Variants in PTPRD observed in about 807,000 individuals in gnomAD.
PTPRD encodes protein tyrosine phosphatase receptor type D, also known as receptor-type tyrosine-protein phosphatase delta.
In PTPRD, 34 loss-of-function variants were observed where a neutral mutation model predicts 214.5. That is an observed-to-expected ratio of 0.16 (90% CI 0.12 to 0.21). The LOEUF is 0.21. Ranked by LOEUF, PTPRD falls within the 10% of genes least tolerant of loss-of-function variation. The pLI is 1.00. For synonymous variants in PTPRD, 1,128 were observed against 845.7 expected (o/e 1.33, Z -5.79); for missense variants, 2,545 against 2,398.7 (o/e 1.06, Z -1.27).
intron 35 of PTPRD, among the ~76,000 whole-genome samples, chr9:8,420,420 T>C (rs1311732972): frequency 6.6e-6 from 1 of 152,188 alleles, no homozygotes; most frequent in Non-Finnish European, 1.5e-5. Context: ...GTAGCTAAAA[T>C]TTTTAGAATT....
intron 12 of PTPRD, among the ~76,000 whole-genome samples, chr9:8,681,358 AAAAG>A (rs1302044449): frequency 7.9e-5 from 12 of 152,350 alleles, no homozygotes; most frequent in African/African-American, 2.4e-4. Context: ...CGAAGAAAAA[AAAAG>A]AAAGAAAAAG....
chr9:9,764,229 G>C (rs1204923938), intron 6 of PTPRD, among the ~76,000 whole-genome samples: 1 of 152,106 alleles, frequency 6.6e-6, no homozygotes. Flanking sequence ...TTATGGGCAT[G>C]CTATGGAGGT....
intron 11 of PTPRD, among the ~76,000 whole-genome samples, chr9:8,970,470 A>G (rs992392531): frequency 6.6e-6 from 1 of 151,894 alleles, no homozygotes; most frequent in Non-Finnish European, 1.5e-5. Context: ...AACCATCTAA[A>G]ACTTGTTTAT....
At chr9:9,091,305 T>C in intron 10 of PTPRD, 1 of 1,065,644 alleles carries the variant, frequency 9.4e-7, no homozygotes, top group Non-Finnish European at 1.4e-6. Context: ...AAAATGGAAA[T>C]TGTACTTTAA....
At chr9:9,670,477 A>T (rs1050201469) in intron 7 of PTPRD, among the ~76,000 whole-genome samples, 1 of 152,236 alleles carries the variant, frequency 6.6e-6, no homozygotes, top group Admixed American at 6.5e-5. Flanking sequence ...ACAAGTAACA[A>T]GGAACCAAAT....
chr9:10,162,744 C>A (rs1444404166), intron 3 of PTPRD, among the ~76,000 whole-genome samples: 1 of 145,010 alleles, frequency 6.9e-6, no homozygotes, highest in Non-Finnish European at 1.5e-5. Flanking sequence ...TATATATATA[C>A]ATATACATAT....
chr9:9,938,542 C>T lies in PTPRD; in HGVS notation c.-403G>A, dbSNP rs904468183. 5.3e-5 allele frequency: 8 copies of T among 152,142 alleles called. No homozygotes were observed. Among genetic ancestry groups the T allele is most frequent in the African/African-American group, 1.7e-4 (7 of 41,418 alleles). 9.4% of individuals were successfully genotyped at this position (152,142 alleles called of 1,614,324 possible). A position where few individuals can be genotyped will look rare whatever the true frequency, so the allele number is the denominator to read the frequency against. ...AGCCCATCGCTTCCCTCGGTGCCAA[C>T]ATGCTGTCAGTCAGACACCTCTAAC... On this transcript the variant is annotated 5_prime_UTR_variant, in exon 5 of 46. It removes an upstream start codon present in the reference 5' UTR. Coordinates refer to ENST00000381196, the MANE Select transcript of PTPRD (RefSeq NM_002839.4).
At position 10,090,433 on chromosome 9, in the gene PTPRD, A is replaced by T. The variant is rs571909699; in HGVS notation, c.-544-56643T>A. Among the ~76,000 whole-genome samples, 100 of 151,534 alleles carry T rather than the reference A, an allele frequency of 6.6e-4. No homozygotes were observed. In the South Asian group the frequency reaches 0.02, roughly 31 times the overall value. Reference sequence around the variant, plus strand: ...GTATATTGATTCATGGCAATTCTTAAAGGGCAAAATCTGCAATGGTAATTC... The same window carrying T: ...GTATATTGATTCATGGCAATTCTTATAGGGCAAAATCTGCAATGGTAATTC... On this transcript the variant is annotated intron_variant, in intron 3 of 45. Transcript: ENST00000381196.
chr9:8,850,312 G>C (rs555435269), intron 11 of PTPRD, among the ~76,000 whole-genome samples: 2 of 152,224 alleles, frequency 1.3e-5, no homozygotes, highest in East Asian at 3.9e-4. Flanking sequence ...TATGGCAGGA[G>C]ACAGTACAGA....
intron 2 of PTPRD, among the ~76,000 whole-genome samples, chr9:10,475,848 C>T (rs1296039650): frequency 6.6e-6 from 1 of 151,666 alleles, no homozygotes; most frequent in Non-Finnish European, 1.5e-5. Flanking sequence ...AAATGTAATC[C>T]ATCATATAAG....
intron 3 of PTPRD, among the ~76,000 whole-genome samples, chr9:10,295,386 T>C (rs1435780984): frequency 6.6e-6 from 1 of 152,094 alleles, no homozygotes; most frequent in East Asian, 1.9e-4. Flanking sequence ...TTTTAGCACA[T>C]GGAGAAATTA....
chr9:8,320,689 C>T (rs937127906), intron 44 of PTPRD, among the ~76,000 whole-genome samples: 2 of 132,898 alleles, frequency 1.5e-5, no homozygotes, highest in Non-Finnish European at 3.3e-5. Context: ...GATCTCTGAA[C>T]TTAGCTACCA....
At chr9:9,960,526 G>A (rs1165024356) in intron 4 of PTPRD, among the ~76,000 whole-genome samples, 1 of 152,112 alleles carries the variant, frequency 6.6e-6, no homozygotes, top group Admixed American at 6.5e-5. Flanking sequence ...TCAGCGAGGT[G>A]ATCAAGGCCA....
At chr9:9,982,846 C>T (rs1394481847) in intron 4 of PTPRD, among the ~76,000 whole-genome samples, 1 of 152,112 alleles carries the variant, frequency 6.6e-6, no homozygotes, top group Admixed American at 6.5e-5. Context: ...TTCTGTTTTA[C>T]ATTCAGCTTC....
At position 8,815,634 on chromosome 9, in the gene PTPRD, T is replaced by C. The variant is rs533949090; in HGVS notation, c.-103-81688A>G. ...AGAAAGTGTTGCAATCTTTAAAATA[T>C]TCCCATCAGTTTGAGATTATGGGTT... On this transcript the variant is annotated intron_variant, in intron 11 of 45. Transcript: ENST00000381196. 8.9e-4 allele frequency among the ~76,000 whole-genome samples: 135 copies of C among 152,318 alleles called. 1 individual carries two copies. The highest frequency in any genetic ancestry group is 3.1e-3 in the African/African-American group (130 of 41,586).
chr9:9,029,748 G>T (rs980402951), intron 10 of PTPRD, among the ~76,000 whole-genome samples: 1 of 151,890 alleles, frequency 6.6e-6, no homozygotes, highest in Non-Finnish European at 1.5e-5. Flanking sequence ...TCTCTCAGTG[G>T]AATGAAGAGT....
At chr9:9,777,566 C>A (rs1207025748) in intron 5 of PTPRD, among the ~76,000 whole-genome samples, 1 of 151,992 alleles carries the variant, frequency 6.6e-6, no homozygotes, top group Non-Finnish European at 1.5e-5. Flanking sequence ...GTTATGGTGG[C>A]ACATGCCTGT....
intron 11 of PTPRD, among the ~76,000 whole-genome samples, chr9:8,758,875 C>T (rs954402706): frequency 1.3e-4 from 20 of 151,286 alleles, no homozygotes; most frequent in South Asian, 2.1e-4. Context: ...TTAATAGAGA[C>T]GGGGTTTCAC....
At chr9:10,452,988 G>T (rs1477510732) in intron 2 of PTPRD, among the ~76,000 whole-genome samples, 1 of 151,550 alleles carries the variant, frequency 6.6e-6, no homozygotes, top group Non-Finnish European at 1.5e-5. Flanking sequence ...AATCCATTTT[G>T]AGTTGATTTT....
Sources: allele counts gnomAD v4.1 joint callset (sites outside exome capture counted in the v4.1 genomes callset), GRCh38; gene constraint gnomAD v4.1.1; transcripts MANE v1.5; gene names NCBI Gene and HGNC (gene_info 2026-07-23, HGNC 2026-07-21).